The following SAMD5 variants were observed in gnomAD, a reference collection of about 807,000 sequenced individuals.
SAMD5 encodes the protein sterile alpha motif domain containing 5, also known as sterile alpha motif domain-containing protein 5.
In SAMD5, 13 loss-of-function variants were observed where a neutral mutation model predicts 11.3. That is an observed-to-expected ratio of 1.15 (90% CI 0.75 to 1.83). SAMD5 has a LOEUF of 1.83. SAMD5 is among the 40% of genes most tolerant of loss of function. The pLI, the probability that SAMD5 is intolerant of heterozygous loss-of-function variation, is 0.00. For synonymous variants in SAMD5, 129 were observed against 111.3 expected, an observed-to-expected ratio of 1.16 and a Z score of -1.00; for missense variants, 255 against 239.1, an observed-to-expected ratio of 1.07 and a Z score of -0.44.
chr6:147,568,456 GGA>G lies in SAMD5; in HGVS notation c.*4001_*4002del, dbSNP rs1246598841. On this transcript the variant is annotated 3_prime_UTR_variant, in exon 2 of 2. Transcript: ENST00000367474. ...GGTATCAAAATAGGTTTAGGCAGGT[GGA>G]AGTTCTGAATTTCAAGGCAAATAAG... is the stretch of plus-strand genomic sequence containing the variant. The G allele has an allele frequency of 3.0e-6, 3 of 985,232 alleles. No homozygotes were observed. The East Asian group carries it at 3.4e-4, about 112-fold the overall frequency. 61.0% of individuals were successfully genotyped at this position (985,232 alleles called of 1,614,324 possible). A position where few individuals can be genotyped will look rare whatever the true frequency, so the allele number is the denominator to read the frequency against.
intron 1 of SAMD5, among the ~76,000 whole-genome samples, chr6:147,510,009 A>G (rs1315027254): frequency 1.3e-5 from 2 of 152,176 alleles, no homozygotes; most frequent in African/African-American, 2.4e-5. Context: ...TGTATACTGG[A>G]GGCAATAAGG....
chr6:147,536,757 A>G (rs1305930628), intron 1 of SAMD5, among the ~76,000 whole-genome samples: 2 of 152,084 alleles, frequency 1.3e-5, no homozygotes, highest in East Asian at 1.9e-4. Context: ...AATGTACACT[A>G]AATTATATTA....
Position 147,566,945 on chromosome 6 carries a change from T to C in SAMD5, c.*2489T>C, listed in dbSNP as rs1280610144. On this transcript the variant is annotated 3_prime_UTR_variant, in exon 2 of 2. Coordinates refer to ENST00000367474, the MANE Select transcript of SAMD5 (RefSeq NM_001030060.3). ...TTCCTCTGTATCTAAACACCAATAA[T>C]ATACTTAATTTTTGAATATAAAAGA... 1.4e-5 allele frequency: 12 copies of C among 863,952 alleles called. No homozygotes were observed. The highest frequency in any genetic ancestry group is 5.9e-4 in the Middle Eastern group (1 of 1,698). The allele number at this position is 863,952 out of a possible 1,614,324, so 53.5% of individuals were successfully genotyped here.
the SAMD5 span, among the ~76,000 whole-genome samples, chr6:147,882,762 T>C: frequency 6.6e-6 from 1 of 152,220 alleles, no homozygotes; most frequent in African/African-American, 2.4e-5. Context: ...TGCCATAAAA[T>C]TTAACGCTCC....
At chr6:147,621,170 C>T (rs1326719692) in intron 1 of SAMD5, among the ~76,000 whole-genome samples, 5 of 152,108 alleles carry the variant, frequency 3.3e-5, no homozygotes. Context: ...TTCCTGTATG[C>T]TTTTACATAC....
chr6:147,864,687 T>G, the SAMD5 span, among the ~76,000 whole-genome samples: 8 of 152,248 alleles, frequency 5.3e-5, no homozygotes, highest in Non-Finnish European at 1.0e-4. Flanking sequence ...TGTGTGAATA[T>G]AAGCCTTCAT....
At chr6:147,586,053 T>A (rs1323064356) in intron 1 of SAMD5, among the ~76,000 whole-genome samples, 1 of 152,188 alleles carries the variant, frequency 6.6e-6, no homozygotes, top group Admixed American at 6.5e-5. Flanking sequence ...GAGATAGCAG[T>A]CTTCCTCAAG....
In SAMD5 at chr6:147,568,246, G is replaced by C; in HGVS notation, c.*3790G>C. 1 of 985,376 alleles carries C rather than the reference G, an allele frequency of 1.0e-6. No individual in the cohort carries two copies. Among genetic ancestry groups the C allele is most frequent in the Non-Finnish European group, 1.2e-6 (1 of 829,928 alleles). The allele number at this position is 985,376 out of a possible 1,614,324, so 61.0% of individuals were successfully genotyped here. A position where few individuals can be genotyped will look rare whatever the true frequency, so the allele number is the denominator to read the frequency against. ...ATGAAAAGAAAAACCAGATATACCAGGGACTGGAAAGCACCTGCTTGAAAA... is the reference window on the plus strand; with the variant it reads ...ATGAAAAGAAAAACCAGATATACCACGGACTGGAAAGCACCTGCTTGAAAA... On this transcript the variant is annotated 3_prime_UTR_variant, in exon 2 of 2. Coordinates refer to ENST00000367474, the MANE Select transcript of SAMD5 (RefSeq NM_001030060.3).
chr6:147,758,899 C>T, the SAMD5 span, among the ~76,000 whole-genome samples: 2 of 152,234 alleles, frequency 1.3e-5, no homozygotes, highest in East Asian at 3.9e-4. Flanking sequence ...AGAAGGTCAT[C>T]TTAATGTTTA....
chr6:147,762,047 A>G, the SAMD5 span, among the ~76,000 whole-genome samples: 1 of 152,134 alleles, frequency 6.6e-6, no homozygotes, highest in South Asian at 2.1e-4. Flanking sequence ...TTCCTTTTAC[A>G]GTATGAATTT....
At position 147,673,123 on chromosome 6, in the gene SAMD5, C is replaced by G. The variant is rs769109824; in HGVS notation, c.163-64194C>G. 7.6e-4 allele frequency among the ~76,000 whole-genome samples: 115 copies of G among 152,210 alleles called. No homozygotes were observed. The Middle Eastern group carries it at 0.01, about 14-fold the overall frequency. On this transcript the variant is annotated intron_variant, in intron 1 of 1. Coordinates refer to the SAMD5 transcript ENST00000566741. ...TTATCTTGTCCTTGGCTCCTTGGCTCTTACAGAAATACCTTGAATGCTGAT... is the reference window on the plus strand; with the variant it reads ...TTATCTTGTCCTTGGCTCCTTGGCTGTTACAGAAATACCTTGAATGCTGAT...
chr6:147,875,273 G>A, the SAMD5 span, among the ~76,000 whole-genome samples: 1 of 152,192 alleles, frequency 6.6e-6, no homozygotes, highest in Non-Finnish European at 1.5e-5. Context: ...TGATTAGAAT[G>A]CCCAGTTTTA....
intron 1 of SAMD5, among the ~76,000 whole-genome samples, chr6:147,614,512 T>C (rs1359862517): frequency 6.6e-6 from 1 of 151,550 alleles, no homozygotes; most frequent in Admixed American, 6.6e-5. Context: ...AAATGATTGA[T>C]ACATGCAACA....
chr6:147,718,802 C>T (rs571050064), intron 1 of SAMD5, among the ~76,000 whole-genome samples: 23 of 152,078 alleles, frequency 1.5e-4, no homozygotes, highest in South Asian at 1.5e-3. Context: ...GTGATTCTCA[C>T]GCCTCAGCCT....
At chr6:147,523,389 G>A (rs1335528563) in intron 1 of SAMD5, among the ~76,000 whole-genome samples, 1 of 152,156 alleles carries the variant, frequency 6.6e-6, no homozygotes, top group African/African-American at 2.4e-5. Flanking sequence ...ATTAAGAACA[G>A]GGTACAGGAA....
chr6:147,818,936 A>G, the SAMD5 span, among the ~76,000 whole-genome samples: 4 of 152,194 alleles, frequency 2.6e-5, no homozygotes, highest in Admixed American at 2.6e-4. Flanking sequence ...TCAAAGAGCT[A>G]ATAACAGAAG....
At chr6:147,942,823 C>CTTTTTTTTTTTTTTTTTTTTT in the SAMD5 span, among the ~76,000 whole-genome samples, 1 of 128,850 alleles carries the variant, frequency 7.8e-6, no homozygotes, top group African/African-American at 2.9e-5. Flanking sequence ...CCCAATGCTT[C>CTTTTTTTTTTTTTTTTTTTTT]TTTTTTTTTT....
intron 1 of SAMD5, among the ~76,000 whole-genome samples, chr6:147,514,095 A>G (rs985686522): frequency 6.6e-6 from 1 of 152,130 alleles, no homozygotes; most frequent in Admixed American, 6.5e-5. Context: ...CTGAGTGTGA[A>G]TGGTAAGTAG....
At chr6:147,634,999 G>A (rs1385478152) in intron 1 of SAMD5, among the ~76,000 whole-genome samples, 1 of 152,184 alleles carries the variant, frequency 6.6e-6, no homozygotes, top group Non-Finnish European at 1.5e-5. Flanking sequence ...CAGCCAAATG[G>A]AGACACCCAC....
Sources: allele counts gnomAD v4.1 joint callset (sites outside exome capture counted in the v4.1 genomes callset), GRCh38; gene constraint gnomAD v4.1.1; transcripts MANE v1.5; gene names NCBI Gene and HGNC (gene_info 2026-07-23, HGNC 2026-07-21).